CFAP299: variants seen among roughly 807,000 people sequenced by gnomAD.
CFAP299 encodes cilia and flagella associated protein 299, also known as cilia- and flagella-associated protein 299.
CFAP299 carries 21 observed loss-of-function variants against 27.0 expected under a neutral mutation model. The observed-to-expected ratio is 0.78, with a 90% CI of 0.55 to 1.12. The LOEUF is 1.12. CFAP299 is among the 50% of genes most tolerant of loss of function. The probability of loss-of-function intolerance (pLI) is 0.00; values close to 1 mark genes in which losing one functional copy is unlikely to be tolerated. For missense variants in CFAP299, 310 were observed against 276.6 expected (o/e 1.12, Z -0.86); for synonymous variants, 104 against 98.1 (o/e 1.06, Z -0.36).
At chr4:80,658,144 G>C (rs1419120963) in intron 3 of CFAP299, among the ~76,000 whole-genome samples, 2 of 152,052 alleles carry the variant, frequency 1.3e-5, no homozygotes, top group Non-Finnish European at 2.9e-5. Context: ...GAGACGATGG[G>C]GTTTTCTAGG....
chr4:80,355,994 A>G (rs1723256176), intron 1 of CFAP299, among the ~76,000 whole-genome samples: 1 of 152,104 alleles, frequency 6.6e-6, no homozygotes, highest in Admixed American at 6.6e-5. Flanking sequence ...TCTTTAATCC[A>G]TCTTGAATTA....
chr4:80,807,305 A>G (rs1422361048), intron 3 of CFAP299, among the ~76,000 whole-genome samples: 1 of 152,140 alleles, frequency 6.6e-6, no homozygotes, highest in Non-Finnish European at 1.5e-5. Flanking sequence ...GAAACATATG[A>G]TATATGTTGT....
chr4:80,579,813 ACATATAT>A (rs1736076145), intron 2 of CFAP299, among the ~76,000 whole-genome samples: 1 of 152,096 alleles, frequency 6.6e-6, no homozygotes, highest in Non-Finnish European at 1.5e-5. Context: ...TACATTGTAG[ACATATAT>A]CTATATATAA....
intron 2 of CFAP299, among the ~76,000 whole-genome samples, chr4:80,451,153 C>G (rs1035518569): frequency 6.6e-6 from 1 of 152,282 alleles, no homozygotes; most frequent in South Asian, 2.1e-4. Flanking sequence ...AAGGTATGAG[C>G]AGGGTTGGTC....
chr4:80,520,626 CTG>C (rs1732861372), intron 2 of CFAP299, among the ~76,000 whole-genome samples: 1 of 152,204 alleles, frequency 6.6e-6, no homozygotes, highest in African/African-American at 2.4e-5. Context: ...CAAGTCTTGC[CTG>C]TGAGATGAAA....
At chr4:80,847,990 G>A (rs1009794846) in intron 3 of CFAP299, among the ~76,000 whole-genome samples, 6 of 151,972 alleles carry the variant, frequency 3.9e-5, no homozygotes, top group South Asian at 2.1e-4. Flanking sequence ...TGAGTGGATC[G>A]CTTGAACTCA....
chr4:80,481,437 T>C lies in CFAP299; in HGVS notation c.243-101656T>C, dbSNP rs1433296172. Among the ~76,000 whole-genome samples, 8 of 152,122 alleles carry C rather than the reference T, an allele frequency of 5.3e-5. No individual in the cohort carries two copies. In the East Asian group the frequency reaches 1.3e-3, roughly 26 times the overall value. On this transcript the variant is annotated intron_variant, in intron 2 of 5. Transcript: ENST00000358105. ...CTCATTGCCAGATGTTGTACTCAGC[T>C]TAGCCAAAGGCATATTTTTAAACTC...
intron 3 of CFAP299, among the ~76,000 whole-genome samples, chr4:80,857,568 G>A (rs1389507428): frequency 6.6e-6 from 1 of 152,162 alleles, no homozygotes; most frequent in Admixed American, 6.6e-5. Flanking sequence ...TTATTATTTT[G>A]AGATACATCC....
At chr4:80,753,426 CTGTCTT>C (rs1266814474) in intron 3 of CFAP299, among the ~76,000 whole-genome samples, 3 of 152,050 alleles carry the variant, frequency 2.0e-5, no homozygotes, top group Admixed American at 6.6e-5. Flanking sequence ...AAGACTGTCT[CTGTCTT>C]TGGCTTTAGT....
In CFAP299 at chr4:80,619,424, G is replaced by A. The variant is rs1232996172; in HGVS notation, c.333+36241G>A. Among the ~76,000 whole-genome samples the A allele has an allele frequency of 3.9e-5, 6 of 151,942 alleles. No homozygotes were observed. In the East Asian group the frequency reaches 1.2e-3, roughly 29 times the overall value. On this transcript the variant is annotated intron_variant, in intron 3 of 5. Transcript: ENST00000358105. ...ACATGAAATTTTCTGAATATACTTAGTGTTGAAGAACTTTAGTGACCCATT... is the reference window on the plus strand; with the variant it reads ...ACATGAAATTTTCTGAATATACTTAATGTTGAAGAACTTTAGTGACCCATT...
At chr4:80,895,189 C>CACACAT (rs1553904079) in intron 4 of CFAP299, among the ~76,000 whole-genome samples, 9,964 of 151,674 alleles carry the variant, frequency 0.066, 693 homozygotes, top group African/African-American at 0.16. Context: ...CACACACACA[C>CACACAT]ACACACACAC....
intron 4 of CFAP299, among the ~76,000 whole-genome samples, chr4:80,929,548 A>G (rs1736495207): frequency 1.3e-5 from 2 of 152,162 alleles, no homozygotes; most frequent in Admixed American, 1.3e-4. Flanking sequence ...AATGAATTCT[A>G]TAATTGCTAT....
chr4:80,494,928 A>G (rs992260614), intron 2 of CFAP299, among the ~76,000 whole-genome samples: 3 of 152,250 alleles, frequency 2.0e-5, no homozygotes, highest in Admixed American at 2.0e-4. Context: ...CAGTCATTAC[A>G]TCTTAAATCT....
At chr4:80,538,069 A>G (rs1395334685) in intron 2 of CFAP299, among the ~76,000 whole-genome samples, 3 of 152,160 alleles carry the variant, frequency 2.0e-5, no homozygotes, top group South Asian at 2.1e-4. Context: ...ATCATAATGG[A>G]GCTGAAAAAT....
chr4:80,338,976 C>T (rs1268406429), intron 1 of CFAP299, among the ~76,000 whole-genome samples: 3 of 152,184 alleles, frequency 2.0e-5, no homozygotes, highest in Non-Finnish European at 4.4e-5. Flanking sequence ...AGTCATTAAT[C>T]AGGAGCTTTT....
chr4:80,646,895 C>A (rs371800406), intron 3 of CFAP299, among the ~76,000 whole-genome samples: 68 of 151,972 alleles, frequency 4.5e-4, no homozygotes, highest in South Asian at 2.1e-3. Flanking sequence ...TTCGATCTGG[C>A]AGTATAGTTT....
chr4:80,431,737 C>T lies in CFAP299; in HGVS notation c.242+68853C>T, dbSNP rs561562731. ...AGAGAAGCCTCTTCACCTTCGGGGT[C>T]ACTGCTCATTAACCCTATTGTTCAA... On this transcript the variant is annotated intron_variant, in intron 2 of 5. Transcript: ENST00000358105. 1.5e-3 allele frequency among the ~76,000 whole-genome samples: 223 copies of T among 152,328 alleles called. 1 individual carries two copies. Among genetic ancestry groups the T allele is most frequent in the African/African-American group, 5.1e-3 (210 of 41,580 alleles).
At chr4:80,444,762 T>A (rs1373469457) in intron 2 of CFAP299, among the ~76,000 whole-genome samples, 1 of 151,806 alleles carries the variant, frequency 6.6e-6, no homozygotes, top group Non-Finnish European at 1.5e-5. Flanking sequence ...TGGGAGAAAA[T>A]TTTTGCAATC....
At chr4:80,874,783 T>A (rs1353473272) in intron 4 of CFAP299, among the ~76,000 whole-genome samples, 1 of 152,300 alleles carries the variant, frequency 6.6e-6, no homozygotes, top group East Asian at 1.9e-4. Flanking sequence ...TTGAGAAGCA[T>A]GCCCTAGACT....
Sources: allele counts gnomAD v4.1 joint callset (sites outside exome capture counted in the v4.1 genomes callset), GRCh38; gene constraint gnomAD v4.1.1; transcripts MANE v1.5; gene names NCBI Gene and HGNC (gene_info 2026-07-23, HGNC 2026-07-21).